The following ENPP6 variants were observed in gnomAD, a reference collection of about 807,000 sequenced individuals.
The protein encoded by ENPP6 is glycerophosphocholine cholinephosphodiesterase ENPP6.
In ENPP6, 32 loss-of-function variants were observed where a neutral mutation model predicts 42.0. That is an observed-to-expected ratio of 0.76 (90% CI 0.58 to 1.02). The LOEUF (loss-of-function observed/expected upper bound fraction) is 1.02, where lower values mean the gene tolerates loss of function less well. Among genes scored for constraint, ENPP6 ranks in the 50% least tolerant of loss-of-function variants. The probability of loss-of-function intolerance (pLI) is 0.00; values close to 1 mark genes in which losing one functional copy is unlikely to be tolerated. For missense variants in ENPP6, 552 were observed against 566.8 expected (o/e 0.97, Z 0.27); for synonymous variants, 213 against 216.0 (o/e 0.99, Z 0.12).
intron 1 of ENPP6, among the ~76,000 whole-genome samples, chr4:184,183,067 G>A (rs73009708): frequency 0.049 from 7,417 of 152,182 alleles, 536 homozygotes; most frequent in African/African-American, 0.17. Flanking sequence ...AAATCTGAAG[G>A]ATAAATGAGT....
At chr4:184,206,279 A>C (rs1437003400) in intron 1 of ENPP6, among the ~76,000 whole-genome samples, 1 of 49,108 alleles carries the variant, frequency 2.0e-5, no homozygotes, top group Non-Finnish European at 3.2e-5. Context: ...TTTTTTTGAG[A>C]CGGAGTCTCG....
At chr4:184,166,127 G>A (rs1036366312) in intron 1 of ENPP6, among the ~76,000 whole-genome samples, 1 of 152,146 alleles carries the variant, frequency 6.6e-6, no homozygotes, top group Non-Finnish European at 1.5e-5. Flanking sequence ...ACACACTTTG[G>A]ATGTTAAAGA....
At chr4:184,211,661 A>C (rs915144862) in intron 1 of ENPP6, among the ~76,000 whole-genome samples, 3 of 152,120 alleles carry the variant, frequency 2.0e-5, no homozygotes, top group Non-Finnish European at 4.4e-5. Context: ...CCAGAGGTAC[A>C]AGGAGGAACT....
At chr4:184,176,654 C>T (rs891716270) in intron 1 of ENPP6, among the ~76,000 whole-genome samples, 3 of 152,198 alleles carry the variant, frequency 2.0e-5, no homozygotes, top group Non-Finnish European at 4.4e-5. Context: ...CAGGCACTCT[C>T]ATGCTGGTGG....
At position 184,113,960 on chromosome 4, in the gene ENPP6, T is replaced by TTTCTTTC. The variant is rs1736271105; in HGVS notation, c.856-1152_856-1151insGAAAGAA. ...CTTTCTTTCTTTCTTTCTTTCTTTC[T>TTTCTTTC]TTCTCTCTTTCTTTCTTTCTTTTTG... On this transcript the variant is annotated intron_variant, in intron 5 of 7. Transcript: ENST00000296741. Among the ~76,000 whole-genome samples, 4 of 149,734 alleles carry TTTCTTTC rather than the reference T, an allele frequency of 2.7e-5. No homozygotes were observed. The Admixed American group carries it at 2.7e-4, about 10-fold the overall frequency.
At chr4:184,207,942 C>T (rs138862979) in intron 1 of ENPP6, among the ~76,000 whole-genome samples, 5 of 152,250 alleles carry the variant, frequency 3.3e-5, no homozygotes, top group African/African-American at 7.2e-5. Flanking sequence ...TCTGCACGTG[C>T]GCATGCCTGT....
intron 1 of ENPP6, among the ~76,000 whole-genome samples, chr4:184,207,937 A>ACGTGC (rs1733027603): frequency 6.6e-6 from 1 of 152,156 alleles, no homozygotes; most frequent in African/African-American, 2.4e-5. Context: ...TTTTCTCTGC[A>ACGTGC]CGTGCGCATG....
chr4:184,132,178 A>G (rs1736648527), intron 2 of ENPP6, among the ~76,000 whole-genome samples: 1 of 152,174 alleles, frequency 6.6e-6, no homozygotes, highest in South Asian at 2.1e-4. Context: ...GGAAACCCCC[A>G]ACAGAAACAC....
At chr4:184,157,509 TTC>T (rs1339820089) in intron 1 of ENPP6, among the ~76,000 whole-genome samples, 2 of 151,538 alleles carry the variant, frequency 1.3e-5, no homozygotes, top group Non-Finnish European at 2.9e-5. Flanking sequence ...TTTCCTCTTT[TTC>T]TCTTTCTTTT....
intron 6 of ENPP6, among the ~76,000 whole-genome samples, chr4:184,110,083 G>T (rs537699664): frequency 1.3e-5 from 2 of 152,292 alleles, no homozygotes; most frequent in Admixed American, 1.3e-4. Flanking sequence ...GAAGGAGGAC[G>T]TGTCCTCAGA....
Position 184,091,146 on chromosome 4 carries a change from T to G in ENPP6, c.*31A>C. The G allele has an allele frequency of 1.3e-6, 2 of 1,498,294 alleles. No homozygotes were observed. The highest frequency in any genetic ancestry group is 1.8e-6 in the Non-Finnish European group (2 of 1,124,666). 92.8% of individuals were successfully genotyped at this position (1,498,294 alleles called of 1,614,324 possible). On this transcript the variant is annotated 3_prime_UTR_variant, in exon 8 of 8. Coordinates refer to ENST00000296741, the MANE Select transcript of ENPP6 (RefSeq NM_153343.4). ...CTTTGGAGGCCCACTTTGCTGATGG[T>G]GTTTTTTTCTGAGACAAGCAATATG...
intron 7 of ENPP6, among the ~76,000 whole-genome samples, chr4:184,091,870 T>C (rs1227240022): frequency 6.6e-6 from 1 of 152,206 alleles, no homozygotes; most frequent in Non-Finnish European, 1.5e-5. Context: ...TACTCCAGCC[T>C]GGGCAAGAGA....
intron 2 of ENPP6, among the ~76,000 whole-genome samples, chr4:184,141,143 T>C (rs1208306346): frequency 6.6e-6 from 1 of 152,198 alleles, no homozygotes; most frequent in Non-Finnish European, 1.5e-5. Context: ...GGAGCTTTGT[T>C]TCGTTTTCTC....
chr4:184,108,438 C>T (rs1736140183), intron 6 of ENPP6, among the ~76,000 whole-genome samples: 1 of 152,158 alleles, frequency 6.6e-6, no homozygotes, highest in Admixed American at 6.5e-5. Context: ...GATTAATAGC[C>T]TTGGCACAAC....
chr4:184,111,330 A>G (rs1736192491), intron 6 of ENPP6, among the ~76,000 whole-genome samples: 1 of 152,260 alleles, frequency 6.6e-6, no homozygotes, highest in Non-Finnish European at 1.5e-5. Flanking sequence ...TAAACTGAAA[A>G]AAGTTCAAAC....
At chr4:184,185,627 G>C (rs548389704) in intron 1 of ENPP6, among the ~76,000 whole-genome samples, 1 of 152,176 alleles carries the variant, frequency 6.6e-6, no homozygotes. Context: ...GACAAAAAAG[G>C]TTTAACTTGA....
intron 2 of ENPP6, among the ~76,000 whole-genome samples, chr4:184,144,682 C>A (rs1336844398): frequency 6.6e-6 from 1 of 152,246 alleles, no homozygotes; most frequent in Non-Finnish European, 1.5e-5. Flanking sequence ...CCAGCGCCTG[C>A]TCCAGGTCAG....
chr4:184,113,525 T>C (rs543012053), intron 5 of ENPP6, among the ~76,000 whole-genome samples: 26 of 152,316 alleles, frequency 1.7e-4, no homozygotes, highest in African/African-American at 5.5e-4. Flanking sequence ...TCACACCTTA[T>C]TCATTTTCTA....
chr4:184,202,787 G>C (rs987609105), intron 1 of ENPP6, among the ~76,000 whole-genome samples: 4 of 152,130 alleles, frequency 2.6e-5, no homozygotes, highest in African/African-American at 9.7e-5. Context: ...AGACAGACGT[G>C]GTGTGGAATT....
Sources: allele counts gnomAD v4.1 joint callset (sites outside exome capture counted in the v4.1 genomes callset), GRCh38; gene constraint gnomAD v4.1.1; transcripts MANE v1.5; gene names NCBI Gene and HGNC (gene_info 2026-07-23, HGNC 2026-07-21).